ASTN2: variants seen among roughly 807,000 people sequenced by gnomAD.
The protein encoded by ASTN2 is astrotactin-2.
A neutral mutation model predicts 139.8 loss-of-function variants in ASTN2; 54 were observed. The ratio of observed to expected loss-of-function variants is 0.39; its 90% CI spans 0.31 to 0.48. The LOEUF (loss-of-function observed/expected upper bound fraction) is 0.48, where lower values mean the gene tolerates loss of function less well. Ranked by LOEUF, ASTN2 falls within the 20% of genes least tolerant of loss-of-function variation. ASTN2 has a pLI of 0.95. For missense variants in ASTN2, 1,565 were observed against 1,725.1 expected, an observed-to-expected ratio of 0.91 and a Z score of 1.64; for synonymous variants, 756 against 719.5, an observed-to-expected ratio of 1.05 and a Z score of -0.81.
At chr9:116,932,803 C>T (rs555932281) in intron 10 of ASTN2, among the ~76,000 whole-genome samples, 52 of 151,912 alleles carry the variant, frequency 3.4e-4, no homozygotes, top group Non-Finnish European at 6.2e-4. Flanking sequence ...GTAAGGAGTT[C>T]GAGACCATCC....
At chr9:116,938,864 C>A (rs1835150880) in intron 10 of ASTN2, among the ~76,000 whole-genome samples, 1 of 152,164 alleles carries the variant, frequency 6.6e-6, no homozygotes, top group African/African-American at 2.4e-5. Context: ...TTTCCTTTGC[C>A]CTCCTTGTTT....
chr9:116,625,377 T>C (rs773623773), intron 17 of ASTN2, among the ~76,000 whole-genome samples: 10 of 152,106 alleles, frequency 6.6e-5, no homozygotes, highest in Non-Finnish European at 1.0e-4. Context: ...GAGGTTGCAG[T>C]GAGCTGAGAT....
intron 10 of ASTN2, among the ~76,000 whole-genome samples, chr9:116,901,090 T>TTTTG (rs145531462): frequency 6.7e-6 from 1 of 149,552 alleles, no homozygotes; most frequent in Non-Finnish European, 1.5e-5. Context: ...CGGCTACTGA[T>TTTTG]TGTGTGTGTG....
At chr9:117,315,051 C>A (rs1435808231) in intron 1 of ASTN2, among the ~76,000 whole-genome samples, 1 of 150,320 alleles carries the variant, frequency 6.7e-6, no homozygotes. Context: ...AAGGCATATT[C>A]ATGACAGTAA....
chr9:116,424,669 C>T lies in ASTN2; in HGVS notation c.*1182G>A, dbSNP rs1201416068. Among the ~76,000 whole-genome samples, 1 of 151,868 alleles carries T rather than the reference C, an allele frequency of 6.6e-6. No individual in the cohort carries two copies. Among genetic ancestry groups the T allele is most frequent in the African/African-American group, 2.4e-5 (1 of 41,306 alleles). Reference sequence around the variant, plus strand: ...GTCAGTTCACTGCAAACTCTGCCTCCCAGGTTCAAGCAATTCTCATGCCTC... The same window carrying T: ...GTCAGTTCACTGCAAACTCTGCCTCTCAGGTTCAAGCAATTCTCATGCCTC... On this transcript the variant is annotated 3_prime_UTR_variant, in exon 23 of 23. Transcript: ENST00000313400.
chr9:116,527,763 C>T (rs186171402), intron 19 of ASTN2, among the ~76,000 whole-genome samples: 22 of 152,172 alleles, frequency 1.4e-4, no homozygotes, highest in Admixed American at 1.1e-3. Flanking sequence ...TGGTCACCCC[C>T]ATGCTGTTCT....
rs992018606 is a variant in ASTN2 at position 116,433,345 on chromosome 9, T to C, written c.3783-7257A>G. Among the ~76,000 whole-genome samples the C allele has an allele frequency of 7.2e-5, 11 of 152,338 alleles. 1 individual carries two copies. In the Middle Eastern group the frequency reaches 0.024, roughly 330 times the overall value. ...CAGATAACAGAACATAACTTATGTA[T>C]TTGTTAAACATAGTAGAGATGAAAG... is the stretch of plus-strand genomic sequence containing the variant. On this transcript the variant is annotated intron_variant, in intron 22 of 22. Transcript: ENST00000313400.
At chr9:116,810,767 G>C (rs1310507443) in intron 12 of ASTN2, among the ~76,000 whole-genome samples, 1 of 152,122 alleles carries the variant, frequency 6.6e-6, no homozygotes, top group Non-Finnish European at 1.5e-5. Context: ...ATATAAGATA[G>C]ATGTTATCCA....
intron 19 of ASTN2, among the ~76,000 whole-genome samples, chr9:116,503,517 T>C (rs1430753189): frequency 2.0e-5 from 3 of 152,200 alleles, no homozygotes. Flanking sequence ...GTTTTTAGGC[T>C]TGGAAAATTT....
At chr9:117,344,325 C>T (rs528154802) in intron 1 of ASTN2, among the ~76,000 whole-genome samples, 4 of 152,230 alleles carry the variant, frequency 2.6e-5, no homozygotes, top group South Asian at 2.1e-4. Context: ...GCTAGGATGC[C>T]GGGCACCAGG....
At chr9:117,101,741 T>C (rs574986751) in intron 4 of ASTN2, among the ~76,000 whole-genome samples, 1 of 152,348 alleles carries the variant, frequency 6.6e-6, no homozygotes, top group South Asian at 2.1e-4. Flanking sequence ...AATTTGAATC[T>C]GATGTATGTC....
At chr9:116,620,550 C>T in intron 17 of ASTN2, 107 bp from the exon 18 acceptor site, 2 of 1,395,044 alleles carry the variant, frequency 1.4e-6, no homozygotes, top group Admixed American at 3.4e-5. Context: ...TTAGAGTAGC[C>T]CCTTTAAGCA....
chr9:116,611,491 A>G (rs1855537018), intron 19 of ASTN2: 1 of 152,124 alleles, frequency 6.6e-6, no homozygotes, highest in Admixed American at 6.6e-5. Flanking sequence ...AAATACAAAT[A>G]AATGTCATAG....
At chr9:116,790,971 GAAAGAAAGAAAGAAA>G (rs1830522754) in intron 13 of ASTN2, among the ~76,000 whole-genome samples, 23 of 16,274 alleles carry the variant, frequency 1.4e-3, no homozygotes, top group Middle Eastern at 0.062. Flanking sequence ...AAGAAGGAAA[GAAAGAAAGAAAGAAA>G]GAAAGAAAGA....
chr9:116,548,144 G>T (rs1258428278), intron 19 of ASTN2, among the ~76,000 whole-genome samples: 1 of 152,210 alleles, frequency 6.6e-6, no homozygotes, highest in Non-Finnish European at 1.5e-5. Context: ...TTCCCGTAAG[G>T]CACTGCCTGG....
intron 3 of ASTN2, among the ~76,000 whole-genome samples, chr9:117,194,036 C>T (rs540221676): frequency 3.9e-5 from 6 of 152,212 alleles, no homozygotes; most frequent in South Asian, 2.1e-4. Context: ...ATCTGAGGCA[C>T]AAGGCACAAG....
intron 7 of ASTN2, among the ~76,000 whole-genome samples, chr9:116,978,188 C>T (rs1389029122): frequency 3.3e-5 from 5 of 152,112 alleles, no homozygotes; most frequent in Non-Finnish European, 7.3e-5. Context: ...GATACATACA[C>T]AATTTTCACC....
Position 116,423,549 on chromosome 9 carries a change from G to C in ASTN2, c.*2302C>G, listed in dbSNP as rs1847237298. Among the ~76,000 whole-genome samples, 1 of 152,148 alleles carries C rather than the reference G, an allele frequency of 6.6e-6. No individual in the cohort carries two copies. Among genetic ancestry groups the C allele is most frequent in the Admixed American group, 6.5e-5 (1 of 15,286 alleles). ...ACCTGATAGCTCTCTGAAAACTTGG[G>C]ACCCAGGCCCAGCAAACTGATAGCT... On this transcript the variant is annotated 3_prime_UTR_variant, in exon 23 of 23. Transcript: ENST00000313400.
chr9:116,954,325 G>C (rs1283715667), intron 10 of ASTN2, among the ~76,000 whole-genome samples: 1 of 152,164 alleles, frequency 6.6e-6, no homozygotes, highest in Non-Finnish European at 1.5e-5. Flanking sequence ...TCTTAATATT[G>C]AATGTGCAAC....
Sources: gnomAD v4.1 joint callset for allele counts (sites outside exome capture counted in the v4.1 genomes callset) on GRCh38, gnomAD v4.1.1 for gene constraint, MANE v1.5 for transcripts, NCBI Gene and HGNC (gene_info 2026-07-23, HGNC 2026-07-21) for gene names.